CRACD: variants seen among roughly 807,000 people sequenced by gnomAD.
CRACD encodes the protein capping protein-inhibiting regulator of actin dynamics.
CRACD carries 56 observed loss-of-function variants against 106.8 expected under a neutral mutation model. That is an observed-to-expected ratio of 0.52 (90% CI 0.42 to 0.66). The LOEUF (loss-of-function observed/expected upper bound fraction) is 0.66. Ranked by LOEUF, CRACD falls within the 30% of genes least tolerant of loss-of-function variation. The probability of loss-of-function intolerance (pLI) is 0.00; values close to 1 mark genes in which losing one functional copy is unlikely to be tolerated. For synonymous variants in CRACD, 754 were observed against 670.8 expected (o/e 1.12, Z -1.92); for missense variants, 1,730 against 1,623.2 (o/e 1.07, Z -1.13).
chr4:56,237,303 A>G (rs532581605), intron 2 of CRACD, among the ~76,000 whole-genome samples: 3 of 152,314 alleles, frequency 2.0e-5, no homozygotes, highest in South Asian at 4.1e-4. Context: ...ACCAATATGC[A>G]TTAATATATT....
intron 2 of CRACD, among the ~76,000 whole-genome samples, chr4:56,211,291 C>T (rs1205670046): frequency 6.6e-6 from 1 of 152,176 alleles, no homozygotes; most frequent in Non-Finnish European, 1.5e-5. Flanking sequence ...AGGATTTTTC[C>T]CAGTCACTTT....
At chr4:56,143,276 ACTTATT>A (rs1166554963) in intron 1 of CRACD, among the ~76,000 whole-genome samples, 1 of 151,992 alleles carries the variant, frequency 6.6e-6, no homozygotes, top group Non-Finnish European at 1.5e-5. Flanking sequence ...CTTAATGAAA[ACTTATT>A]CTTATTACTC....
chr4:56,219,360 G>A (rs919031750), intron 2 of CRACD, among the ~76,000 whole-genome samples: 1 of 152,116 alleles, frequency 6.6e-6, no homozygotes, highest in African/African-American at 2.4e-5. Context: ...TTGTTTGTTT[G>A]TTTTTGAGAC....
intron 1 of CRACD, among the ~76,000 whole-genome samples, chr4:56,099,385 A>C (rs1170836780): frequency 6.6e-6 from 1 of 152,028 alleles, no homozygotes; most frequent in South Asian, 2.1e-4. Context: ...TTGATGATGT[A>C]CTCACTTGCC....
chr4:56,298,322 C>T lies in CRACD; in HGVS notation c.93C>T (p.Asn31=), dbSNP rs765114565. The change falls in exon 4 of 11, where the codon AAC becomes AAT. Residue 31 remains asparagine, a synonymous_variant. Transcript: ENST00000682029. ...CAGTTCAAGCAATGTCACAGGACAA[C>T]ATCCTGGGCAAAGTCAAAACTCTTC... ...EQTVQAMSQD[N]ILGKVKTLQQ... is the part of the protein sequence containing the mutation. 4 of 1,614,160 alleles carry T rather than the reference C, an allele frequency of 2.5e-6. No individual in the cohort carries two copies. Among genetic ancestry groups the T allele is most frequent in the Non-Finnish European group, 2.5e-6 (3 of 1,180,024 alleles).
chr4:56,064,449 C>A (rs535970204), intron 1 of CRACD, among the ~76,000 whole-genome samples: 2 of 152,206 alleles, frequency 1.3e-5, no homozygotes, highest in African/African-American at 4.8e-5. Flanking sequence ...GGTGGACCAG[C>A]ACACTTTTCA....
chr4:56,231,915 T>C (rs73240535), intron 2 of CRACD, among the ~76,000 whole-genome samples: 3,896 of 152,288 alleles, frequency 0.026, 69 homozygotes, highest in Non-Finnish European at 0.032. Flanking sequence ...CTTCCAATGA[T>C]TAAGTCACTA....
At chr4:56,185,949 A>T (rs1737077896) in intron 2 of CRACD, among the ~76,000 whole-genome samples, 1 of 152,216 alleles carries the variant, frequency 6.6e-6, no homozygotes, top group African/African-American at 2.4e-5. Flanking sequence ...TGAAAATTTG[A>T]GGAATACTTT....
At chr4:56,147,833 C>G (rs1735440530) in intron 1 of CRACD, among the ~76,000 whole-genome samples, 3 of 152,172 alleles carry the variant, frequency 2.0e-5, no homozygotes, top group Admixed American at 2.0e-4. Context: ...TTATAGCCAT[C>G]TGTTATGTGC....
At chr4:56,061,101 C>T (rs561100089) in intron 1 of CRACD, among the ~76,000 whole-genome samples, 1 of 152,218 alleles carries the variant, frequency 6.6e-6, no homozygotes, top group Non-Finnish European at 1.5e-5. Flanking sequence ...TGAAGGGTGA[C>T]TAGGAGTTAA....
chr4:56,198,433 T>C (rs917410841), intron 2 of CRACD, among the ~76,000 whole-genome samples: 1 of 152,182 alleles, frequency 6.6e-6, no homozygotes, highest in Non-Finnish European at 1.5e-5. Context: ...CAAGATATTC[T>C]ACCCATCTGG....
intron 3 of CRACD, among the ~76,000 whole-genome samples, chr4:56,279,826 C>A (rs994702403): frequency 3.9e-5 from 6 of 152,066 alleles, no homozygotes; most frequent in Non-Finnish European, 7.4e-5. Context: ...TCATGCGGCT[C>A]TAAAGACACA....
intron 3 of CRACD, among the ~76,000 whole-genome samples, chr4:56,273,171 G>C (rs1479445068): frequency 3.3e-5 from 5 of 152,082 alleles, no homozygotes; most frequent in Non-Finnish European, 7.3e-5. Flanking sequence ...TCATGGGCTA[G>C]ACTTTACACC....
chr4:56,306,309 C>G (rs1214160834), intron 4 of CRACD, among the ~76,000 whole-genome samples: 1 of 152,006 alleles, frequency 6.6e-6, no homozygotes, highest in Non-Finnish European at 1.5e-5. Context: ...GCCTGGGCAA[C>G]TTGTTGAAAC....
chr4:56,313,447 G>T, intron 7 of CRACD, 68 bp downstream of exon 7: 1 of 1,429,348 alleles, frequency 7.0e-7, no homozygotes, highest in South Asian at 1.3e-5. Context: ...TCTACAAGTG[G>T]GTTGGCATTG....
chr4:56,061,419 G>T (rs2109786229), intron 1 of CRACD, among the ~76,000 whole-genome samples: 1 of 152,080 alleles, frequency 6.6e-6, no homozygotes, highest in African/African-American at 2.4e-5. Context: ...TGATCTACCT[G>T]CCTTGGCCTC....
chr4:56,317,297 C>T (rs558449408), intron 8 of CRACD, among the ~76,000 whole-genome samples: 3 of 152,300 alleles, frequency 2.0e-5, no homozygotes, highest in African/African-American at 7.2e-5. Flanking sequence ...GGCACACCTT[C>T]ATTAATTAGA....
intron 2 of CRACD, among the ~76,000 whole-genome samples, chr4:56,244,895 G>C (rs1740596462): frequency 6.6e-6 from 1 of 152,204 alleles, no homozygotes; most frequent in Non-Finnish European, 1.5e-5. Flanking sequence ...CCCATCCTAA[G>C]CTGCCCTTCC....
rs529878270 is a variant in CRACD at position 56,328,249 on chromosome 4, C to T, written c.*445C>T. On this transcript the variant is annotated 3_prime_UTR_variant, in exon 11 of 11. Transcript: ENST00000682029. ...TGTCTGGGAATGTTTATCCTTTCTA[C>T]AGTAATGGTGAAAGGATCATATCTA... The T allele has an allele frequency of 1.0e-5, 5 of 501,916 alleles. No individual in the cohort carries two copies. In the East Asian group the frequency reaches 2.8e-4, roughly 28 times the overall value. The allele number at this position is 501,916 out of a possible 1,614,324, so 31.1% of individuals were successfully genotyped here.
Sources: gnomAD v4.1 joint callset for allele counts (sites outside exome capture counted in the v4.1 genomes callset) on GRCh38, gnomAD v4.1.1 for gene constraint, MANE v1.5 for transcripts, NCBI Gene and HGNC (gene_info 2026-07-23, HGNC 2026-07-21) for gene names.